Variants in PARD3B observed in about 807,000 individuals in gnomAD.
PARD3B encodes partitioning defective 3 homolog B.
A neutral mutation model predicts 130.2 loss-of-function variants in PARD3B; 103 were observed. The ratio of observed to expected loss-of-function variants is 0.79; its 90% confidence interval spans 0.67 to 0.93. The LOEUF (loss-of-function observed/expected upper bound fraction) is 0.93. Ranked by LOEUF, PARD3B falls within the 40% of genes least tolerant of loss-of-function variation. PARD3B has a pLI of 0.00. For synonymous variants in PARD3B, 583 were observed against 553.2 expected (o/e 1.05, Z -0.76); for missense variants, 1,609 against 1,499.2 (o/e 1.07, Z -1.21).
intron 4 of PARD3B, among the ~76,000 whole-genome samples, chr2:205,062,314 A>T (rs4145000): frequency 0.99 from 150,636 of 152,224 alleles, 74,553 homozygotes; most frequent in Middle Eastern, 1. Context: ...GACCAAAATA[A>T]CAGAGGTCAG....
At chr2:205,330,007 AAAT>A (rs2043061300) in intron 18 of PARD3B, among the ~76,000 whole-genome samples, 2 of 2,488 alleles carry the variant, frequency 8.0e-4, no homozygotes, top group Non-Finnish European at 2.2e-3. Flanking sequence ...ATAAATAAAT[AAAT>A]AAATAAATAA....
chr2:205,316,353 G>A (rs1224818243), intron 18 of PARD3B, among the ~76,000 whole-genome samples: 2 of 152,028 alleles, frequency 1.3e-5, no homozygotes, highest in Non-Finnish European at 2.9e-5. Context: ...AAGAAATGAG[G>A]TTAGATATAA....
chr2:204,762,767 T>C (rs1239269337), intron 2 of PARD3B, among the ~76,000 whole-genome samples: 1 of 149,978 alleles, frequency 6.7e-6, no homozygotes, highest in African/African-American at 2.4e-5. Context: ...TTTTCTTTTT[T>C]TTTTTTTTTT....
intron 2 of PARD3B, among the ~76,000 whole-genome samples, chr2:204,702,910 T>C (rs1349787072): frequency 6.6e-6 from 1 of 152,184 alleles, no homozygotes; most frequent in Non-Finnish European, 1.5e-5. Flanking sequence ...TGTTCAATTG[T>C]TTAAGTGAAG....
chr2:205,105,405 A>G lies in PARD3B; in HGVS notation c.593+891A>G, dbSNP rs1239046989. On this transcript the variant is annotated intron_variant, in intron 5 of 22. Coordinates refer to ENST00000406610, the MANE Select transcript of PARD3B (RefSeq NM_001302769.2). This position sits in a 1 kb window ranked among gnomAD's most constrained non-coding sequence, Gnocchi z 4.0. ...CATAAGGAAAATAATTTCATATTTA[A>G]TAGATGGTTACTTCAGCATTAGGTA... Among the ~76,000 whole-genome samples the G allele has an allele frequency of 6.6e-6, 1 of 152,164 alleles. No homozygotes were observed. The highest frequency in any genetic ancestry group is 1.5e-5 in the Non-Finnish European group (1 of 68,024).
chr2:204,875,438 G>A (rs1475712511), intron 2 of PARD3B, among the ~76,000 whole-genome samples: 1 of 152,164 alleles, frequency 6.6e-6, no homozygotes, highest in Non-Finnish European at 1.5e-5. Context: ...AATTAGAACA[G>A]TACTCTCAAA....
At chr2:205,387,917 A>T (rs1449077582) in intron 18 of PARD3B, among the ~76,000 whole-genome samples, 1 of 152,184 alleles carries the variant, frequency 6.6e-6, no homozygotes, top group East Asian at 1.9e-4. Flanking sequence ...ATTATGGCAG[A>T]TTATGAGACA....
In PARD3B at chr2:205,530,961, C is replaced by A. The variant is rs577798040; in HGVS notation, c.3181-22363C>A. The stretch of plus-strand genomic sequence containing the variant: ...GATGTCAAAGGAGAGGGGTTGTGAT[C>A]TGAAAGGTAAGATTTCAATATCTGT... On this transcript the variant is annotated intron_variant, in intron 21 of 22. Coordinates refer to ENST00000406610, the MANE Select transcript of PARD3B (RefSeq NM_001302769.2). The surrounding 1 kb of genome is among the most constrained non-coding windows in gnomAD (Gnocchi z 4.7). 6.6e-6 allele frequency among the ~76,000 whole-genome samples: 1 copy of A among 152,250 alleles called. No homozygotes were observed. The highest frequency in any genetic ancestry group is 2.1e-4 in the South Asian group (1 of 4,816).
intron 22 of PARD3B, among the ~76,000 whole-genome samples, chr2:205,555,444 C>G (rs2052838756): frequency 6.6e-6 from 1 of 152,192 alleles, no homozygotes; most frequent in Admixed American, 6.5e-5. Flanking sequence ...TTAAAGTCTT[C>G]TGAATTTCCA....
intron 18 of PARD3B, among the ~76,000 whole-genome samples, chr2:205,319,929 A>G (rs995831053): frequency 3.3e-5 from 5 of 152,060 alleles, no homozygotes; most frequent in Non-Finnish European, 2.9e-5. Context: ...CTGTAATCCC[A>G]GCACTTTGAG....
At chr2:205,063,636 TCCTCTTAACAC>T (rs1343038701) in intron 4 of PARD3B, among the ~76,000 whole-genome samples, 1 of 152,196 alleles carries the variant, frequency 6.6e-6, no homozygotes, top group African/African-American at 2.4e-5. Flanking sequence ...TTTCATCGAA[TCCTCTTAACAC>T]CCCCATGAGG....
At chr2:205,153,687 C>T (rs1437425657) in intron 10 of PARD3B, among the ~76,000 whole-genome samples, 1 of 152,072 alleles carries the variant, frequency 6.6e-6, no homozygotes, top group African/African-American at 2.4e-5. Flanking sequence ...GGTACTGGTA[C>T]CAAAACAGAG....
rs372636581 is a variant in PARD3B at position 205,021,594 on chromosome 2, TTCTCTCTC to T, written c.395-25968_395-25961del. Among the ~76,000 whole-genome samples the T allele has an allele frequency of 3.4e-3, 495 of 144,856 alleles. 1 individual carries two copies. Among genetic ancestry groups the T allele is most frequent in the African/African-American group, 7.8e-3 (306 of 39,160 alleles). ...TATGCTCTCTTCTCTCTCTCTTCTC[TTCTCTCTC>T]TCTCTCTCTCTCTCTCTCCCTCTCT... On this transcript the variant is annotated intron_variant, in intron 3 of 22. Transcript: ENST00000406610. This position sits in a 1 kb window ranked among gnomAD's most constrained non-coding sequence, Gnocchi z 4.5.
intron 5 of PARD3B, among the ~76,000 whole-genome samples, chr2:205,110,770 A>G (rs1703588147): frequency 6.6e-6 from 1 of 151,756 alleles, no homozygotes. Flanking sequence ...ACTGTCCTCT[A>G]AAACATAAAC....
chr2:205,235,873 T>C (rs1373237617), intron 15 of PARD3B, among the ~76,000 whole-genome samples: 1 of 152,132 alleles, frequency 6.6e-6, no homozygotes, highest in African/African-American at 2.4e-5. Context: ...AAATAAAAAT[T>C]AGAGCAGAAA....
chr2:205,074,197 T>C (rs1013988705), intron 4 of PARD3B, among the ~76,000 whole-genome samples: 3 of 152,202 alleles, frequency 2.0e-5, no homozygotes, highest in Admixed American at 6.5e-5. Flanking sequence ...TATAGCACTT[T>C]CTGAAATAAT....
At chr2:204,661,546 A>C (rs1295534204) in intron 1 of PARD3B, among the ~76,000 whole-genome samples, 1 of 152,206 alleles carries the variant, frequency 6.6e-6, no homozygotes, top group East Asian at 1.9e-4. Context: ...GTACTCTGCT[A>C]TAGGGGTTTT....
chr2:205,193,681 G>C (rs1294910467), intron 15 of PARD3B, among the ~76,000 whole-genome samples: 1 of 152,142 alleles, frequency 6.6e-6, no homozygotes, highest in African/African-American at 2.4e-5. Flanking sequence ...ACTCTGTGCG[G>C]GCATACCTGT....
intron 19 of PARD3B, among the ~76,000 whole-genome samples, chr2:205,425,287 T>A (rs2047105717): frequency 6.6e-6 from 1 of 152,194 alleles, no homozygotes; most frequent in Non-Finnish European, 1.5e-5. Flanking sequence ...CTGAGAAACT[T>A]GTCTACATTA....
Sources: gnomAD v4.1 joint callset for allele counts (sites outside exome capture counted in the v4.1 genomes callset) on GRCh38, gnomAD v4.1.1 for gene constraint, Gnocchi (gnomAD v3.1) non-coding constraint, MANE v1.5 for transcripts, NCBI Gene and HGNC (gene_info 2026-07-23, HGNC 2026-07-21) for gene names.